Variants in DGCR2 observed in about 807,000 individuals in gnomAD.
DGCR2 encodes the protein DiGeorge syndrome critical region gene 2.
A neutral mutation model predicts 51.6 loss-of-function variants in DGCR2; 24 were observed. That is an observed-to-expected ratio of 0.47 (90% CI 0.34 to 0.65). DGCR2 has a LOEUF of 0.65. Among genes scored for constraint, DGCR2 ranks in the 30% least tolerant of loss-of-function variants. DGCR2 has a pLI of 0.01. For synonymous variants in DGCR2, 340 were observed against 315.4 expected (o/e 1.08, Z -0.82); for missense variants, 765 against 772.1 (o/e 0.99, Z 0.11).
Position 19,041,136 on chromosome 22 carries a change from C to A in DGCR2, c.1318G>T (p.Asp440Tyr). Reference protein sequence around the residue: ...PPPYTAYKYPDIGQPDDPPPP... With the variant: ...PPPYTAYKYPYIGQPDDPPPP... ...GGAGGGTCGTCGGGCTGGCCGATGT[C>A]CGGGTACTTGTATGCCGTGTAGGGA... Residue 440 changes from aspartate (D) to tyrosine (Y), a missense_variant, in exon 9 of 10, where the codon GAC becomes TAC. Transcript: ENST00000263196. 1 of 1,614,020 alleles carries A rather than the reference C, an allele frequency of 6.2e-7. No homozygotes were observed. Among genetic ancestry groups the A allele is most frequent in the Non-Finnish European group, 8.5e-7 (1 of 1,179,940 alleles).
In DGCR2 at chr22:19,041,230, C is replaced by T. The variant is rs200623896; in HGVS notation, c.1224G>A (p.Thr408=). The T allele has an allele frequency of 2.5e-6, 4 of 1,613,966 alleles. No individual in the cohort carries two copies. The highest frequency in any genetic ancestry group is 2.7e-5 in the African/African-American group (2 of 74,924). The stretch of plus-strand genomic sequence containing the variant: ...CAGAAAGATGCAGCGGCGTGAGGCC[C>T]GTGCCAAACCCGTCTGGGCCGTAAT... ...GFDYGPDGFG[T]GLTPLHLSDD... is the part of the protein sequence containing the mutation. The change falls in exon 9 of 10, where the codon ACG becomes ACA. Residue 408 remains threonine, a synonymous_variant. Transcript: ENST00000263196.
chr22:19,055,041 G>C (rs1300318304), intron 6 of DGCR2, among the ~76,000 whole-genome samples: 1 of 152,132 alleles, frequency 6.6e-6, no homozygotes, highest in Admixed American at 6.5e-5. Flanking sequence ...GCCTGAACCC[G>C]GGAGGCAGAG....
intron 7 of DGCR2, among the ~76,000 whole-genome samples, chr22:19,044,324 C>T (rs1878983261): frequency 1.3e-5 from 2 of 152,234 alleles, no homozygotes; most frequent in South Asian, 2.1e-4. Context: ...TCTTTTGTCT[C>T]TCAGCTATCC....
chr22:19,095,645 C>T (rs1034386013), intron 1 of DGCR2, among the ~76,000 whole-genome samples: 3 of 144,714 alleles, frequency 2.1e-5, no homozygotes, highest in South Asian at 2.2e-4. Flanking sequence ...TGGGCAACAG[C>T]GCAAGACTCC....
rs760616118 is a variant in DGCR2, at chr22:19,057,192, C to G, written c.626-30G>C. 7 of 1,568,492 alleles carry G rather than the reference C, an allele frequency of 4.5e-6. No homozygotes were observed. In the East Asian group the frequency reaches 1.6e-4, roughly 36 times the overall value. ...TGGGGAGACAAAAGGTGGGGCTGGA[C>G]AACATCACATCAGAGGACAAGCTGT... On this transcript the variant is annotated intron_variant, in intron 5 of 9. Coordinates refer to ENST00000263196, the MANE Select transcript of DGCR2 (RefSeq NM_005137.3). This position sits in a 1 kb window ranked among gnomAD's most constrained non-coding sequence, Gnocchi z 5.1.
intron 1 of DGCR2, among the ~76,000 whole-genome samples, chr22:19,104,198 AG>A (rs1339688312): frequency 6.6e-6 from 1 of 152,130 alleles, no homozygotes; most frequent in African/African-American, 2.4e-5. Flanking sequence ...GACCTCACGG[AG>A]CCCCTAGAAG....
chr22:19,099,441 T>C (rs59073326), intron 1 of DGCR2, among the ~76,000 whole-genome samples: 2,256 of 151,464 alleles, frequency 0.015, 27 homozygotes, highest in African/African-American at 0.017. Context: ...ATAAGCCAGA[T>C]GTGGTGGTGT....
At chr22:19,049,783 T>C (rs1156266209) in intron 6 of DGCR2, among the ~76,000 whole-genome samples, 1 of 148,090 alleles carries the variant, frequency 6.8e-6, no homozygotes, top group Non-Finnish European at 1.5e-5. Flanking sequence ...GCAGAGATTG[T>C]GCCACTGCAC....
intron 1 of DGCR2, among the ~76,000 whole-genome samples, chr22:19,093,506 T>C (rs1192786069): frequency 6.6e-6 from 1 of 152,032 alleles, no homozygotes; most frequent in Non-Finnish European, 1.5e-5. Flanking sequence ...AAAAACACAA[T>C]CTATAAAAAA....
intron 1 of DGCR2, among the ~76,000 whole-genome samples, chr22:19,095,511 A>C (rs1197410487): frequency 6.6e-6 from 1 of 151,832 alleles, no homozygotes. Flanking sequence ...AATACAAAAA[A>C]TTAGCCGGGC....
At position 19,063,103 on chromosome 22, in the gene DGCR2, T is replaced by G. The variant is rs544483116; in HGVS notation, c.625+99A>C. On this transcript the variant is annotated intron_variant, in intron 5 of 9. Coordinates refer to ENST00000263196, the MANE Select transcript of DGCR2 (RefSeq NM_005137.3). ...TCACCCACTCCCTGCACAGCACCCC[T>G]ACGGGCCAGGCAGCACTGGGTAAGA... is the stretch of plus-strand genomic sequence containing the variant. 31 of 1,181,100 alleles carry G rather than the reference T, an allele frequency of 2.6e-5. No individual in the cohort carries two copies. In the Admixed American group the frequency reaches 4.4e-4, roughly 17 times the overall value. 73.2% of individuals were successfully genotyped at this position (1,181,100 alleles called of 1,614,324 possible).
chr22:19,092,931 A>C (rs1176583070), intron 1 of DGCR2, among the ~76,000 whole-genome samples: 2 of 151,694 alleles, frequency 1.3e-5, no homozygotes, highest in East Asian at 3.9e-4. Context: ...GGAAGAAGGA[A>C]GGAAGGAGTT....
chr22:19,087,523 G>A (rs1031746975), intron 2 of DGCR2, among the ~76,000 whole-genome samples: 8 of 152,070 alleles, frequency 5.3e-5, no homozygotes, highest in African/African-American at 1.9e-4. Flanking sequence ...GATTACAGGT[G>A]CTCGCCACCA....
At position 19,057,470 on chromosome 22, in the gene DGCR2, T is replaced by G. The variant is rs2082616428; in HGVS notation, c.626-308A>C. Reference sequence around the variant, plus strand: ...TGGATCACGGTTAGTGGGTGGCATTTAAAGTTAGAGCAACAGCATAATAAC... The same window carrying G: ...TGGATCACGGTTAGTGGGTGGCATTGAAAGTTAGAGCAACAGCATAATAAC... On this transcript the variant is annotated intron_variant, in intron 5 of 9. Coordinates refer to ENST00000263196, the MANE Select transcript of DGCR2 (RefSeq NM_005137.3). This position sits in a 1 kb window ranked among gnomAD's most constrained non-coding sequence, Gnocchi z 5.1. Among the ~76,000 whole-genome samples the G allele has an allele frequency of 6.6e-6, 1 of 152,188 alleles. No individual in the cohort carries two copies. Among genetic ancestry groups the G allele is most frequent in the Non-Finnish European group, 1.5e-5 (1 of 68,040 alleles).
chr22:19,046,749 G>C (rs991537998), intron 7 of DGCR2: 5 of 445,844 alleles, frequency 1.1e-5, no homozygotes, highest in African/African-American at 1.0e-4. Context: ...GCCCAGCTAA[G>C]TCGCTCTGGC....
intron 2 of DGCR2, among the ~76,000 whole-genome samples, chr22:19,073,350 TAATC>T (rs888491241): frequency 5.9e-5 from 9 of 151,762 alleles, no homozygotes; most frequent in African/African-American, 2.2e-4. Flanking sequence ...AAAAGTAAAA[TAATC>T]AAAGAGATGG....
intron 2 of DGCR2, among the ~76,000 whole-genome samples, chr22:19,074,114 G>A (rs773195468): frequency 6.6e-6 from 1 of 152,080 alleles, no homozygotes; most frequent in Admixed American, 6.6e-5. Flanking sequence ...ATTGGAAAAC[G>A]GCTTGGCAAT....
rs936843308 is a variant in DGCR2 at position 19,049,825 on chromosome 22, T to G, written c.803-1182A>C. On this transcript the variant is annotated intron_variant, in intron 6 of 9. Transcript: ENST00000263196. ...CTGGGCGACAGCATGAGACTCTGTC[T>G]CAAAAAAAAAAAAAAAAAAAGATTG... Among the ~76,000 whole-genome samples, 16 of 88,062 alleles carry G rather than the reference T, an allele frequency of 1.8e-4. No homozygotes were observed. In the Admixed American group the frequency reaches 1.9e-3, roughly 10 times the overall value. The allele number at this position is 88,062 out of a possible 152,430, so 57.8% of individuals were successfully genotyped here.
intron 6 of DGCR2, among the ~76,000 whole-genome samples, chr22:19,053,054 C>G (rs1423128094): frequency 6.6e-6 from 1 of 152,216 alleles, no homozygotes; most frequent in Non-Finnish European, 1.5e-5. Flanking sequence ...TGGAAACCCA[C>G]CAGGGAAAGT....
Sources: gnomAD v4.1 joint callset for allele counts (sites outside exome capture counted in the v4.1 genomes callset) on GRCh38, gnomAD v4.1.1 for gene constraint, Gnocchi (gnomAD v3.1) non-coding constraint, MANE v1.5 for transcripts, NCBI Gene and HGNC (gene_info 2026-07-23, HGNC 2026-07-21) for gene names.